TCF4: variants seen among roughly 807,000 people sequenced by gnomAD.
The protein encoded by TCF4 is SL3-3 enhancer factor 2.
TCF4 carries 3 observed loss-of-function variants against 82.1 expected under a neutral mutation model. The observed-to-expected ratio is 0.04, with a 90% CI of 0.02 to 0.09. TCF4 has a LOEUF of 0.09. Among genes scored for constraint, TCF4 ranks in the 10% least tolerant of loss-of-function variants. The pLI, the probability that TCF4 is intolerant of heterozygous loss-of-function variation, is 1.00. For synonymous variants in TCF4, 276 were observed against 309.6 expected, an observed-to-expected ratio of 0.89 and a Z score of 1.14; for missense variants, 518 against 852.7, an observed-to-expected ratio of 0.61 and a Z score of 4.89.
At chr18:55,283,571 A>C (rs2063058850) in intron 8 of TCF4, among the ~76,000 whole-genome samples, 1 of 152,212 alleles carries the variant, frequency 6.6e-6, no homozygotes, top group African/African-American at 2.4e-5. Flanking sequence ...GATATTATTA[A>C]TAGTATCTGC....
chr18:55,490,142 T>C (rs1461736573), intron 3 of TCF4, among the ~76,000 whole-genome samples: 1 of 152,174 alleles, frequency 6.6e-6, no homozygotes, highest in Non-Finnish European at 1.5e-5. Flanking sequence ...CAGCAAAGCA[T>C]AAGGAAATAC....
intron 2 of TCF4, among the ~76,000 whole-genome samples, chr18:55,609,040 C>A (rs2097704759): frequency 6.6e-6 from 1 of 152,126 alleles, no homozygotes; most frequent in African/African-American, 2.4e-5. Flanking sequence ...TCTCTGTTCT[C>A]TGCTATATGA....
chr18:55,597,389 C>T (rs2097692105), intron 2 of TCF4, among the ~76,000 whole-genome samples: 1 of 151,878 alleles, frequency 6.6e-6, no homozygotes, highest in African/African-American at 2.4e-5. Context: ...CTGCTTTCCC[C>T]CTTCCCTCTC....
At chr18:55,495,593 C>CT (rs999445128) in intron 3 of TCF4, 3 of 152,050 alleles carry the variant, frequency 2.0e-5, no homozygotes, top group Admixed American at 2.0e-4. Flanking sequence ...AATAAATATA[C>CT]TTTTAAGGAC....
chr18:55,407,839 C>A (rs1384360411), intron 5 of TCF4, among the ~76,000 whole-genome samples: 4 of 151,782 alleles, frequency 2.6e-5, no homozygotes, highest in Non-Finnish European at 5.9e-5. Context: ...ATTTTTCTTC[C>A]GATACATCCA....
At chr18:55,384,882 G>A (rs1315955050) in intron 6 of TCF4, among the ~76,000 whole-genome samples, 1 of 152,158 alleles carries the variant, frequency 6.6e-6, no homozygotes, top group African/African-American at 2.4e-5. Context: ...ATTCTGTAGA[G>A]CAGAAAGGTG....
At chr18:55,423,427 GCACACACACACA>G (rs758850356) in intron 5 of TCF4, 2,426 of 106,082 alleles carry the variant, frequency 0.023, 27 homozygotes, top group Middle Eastern at 0.036. Context: ...ACGCGCGCGC[GCACACACACACA>G]CACACACACA....
At chr18:55,409,379 C>CT (rs973568895) in intron 5 of TCF4, among the ~76,000 whole-genome samples, 10 of 150,596 alleles carry the variant, frequency 6.6e-5, no homozygotes, top group Non-Finnish European at 1.0e-4. Flanking sequence ...TCAGGGTTTT[C>CT]TTTTTTTTTA....
chr18:55,363,648 A>C (rs2086081315), intron 6 of TCF4, among the ~76,000 whole-genome samples: 1 of 152,138 alleles, frequency 6.6e-6, no homozygotes, highest in Non-Finnish European at 1.5e-5. Flanking sequence ...TCTACTAAAA[A>C]TACAAAAATT....
At chr18:55,260,863 C>A (rs1242927854) in intron 12 of TCF4, among the ~76,000 whole-genome samples, 1 of 152,130 alleles carries the variant, frequency 6.6e-6, no homozygotes, top group Non-Finnish European at 1.5e-5. Flanking sequence ...CCTGGCCCTC[C>A]ACTTACATTT....
intron 3 of TCF4, among the ~76,000 whole-genome samples, chr18:55,486,406 A>ACTTCTGGC (rs2096515266): frequency 6.6e-6 from 1 of 152,100 alleles, no homozygotes; most frequent in Non-Finnish European, 1.5e-5. Context: ...TGCCTGGCCA[A>ACTTCTGGC]CATGGTGAAA....
intron 6 of TCF4, among the ~76,000 whole-genome samples, chr18:55,391,103 G>A (rs1433677632): frequency 6.6e-6 from 1 of 152,160 alleles, no homozygotes; most frequent in Admixed American, 6.5e-5. Flanking sequence ...TTTGCCACAT[G>A]TCATTGTCCA....
intron 3 of TCF4, chr18:55,510,775 C>A: frequency 8.0e-7 from 1 of 1,250,922 alleles, no homozygotes; most frequent in Non-Finnish European, 1.0e-6. Context: ...TTAATGATGA[C>A]CGTAGATTTT....
intron 3 of TCF4, among the ~76,000 whole-genome samples, chr18:55,470,367 C>T (rs1336594986): frequency 6.6e-6 from 1 of 152,084 alleles, no homozygotes; most frequent in African/African-American, 2.4e-5. Context: ...TAGAAACACC[C>T]AAAACGTTTA....
chr18:55,436,279 A>C (rs2095327542), intron 5 of TCF4, among the ~76,000 whole-genome samples: 1 of 152,240 alleles, frequency 6.6e-6, no homozygotes, highest in Admixed American at 6.5e-5. Flanking sequence ...CATCCAGAGA[A>C]ATAATTTTAT....
intron 8 of TCF4, among the ~76,000 whole-genome samples, chr18:55,326,879 G>A (rs1028980504): frequency 6.6e-6 from 1 of 152,128 alleles, no homozygotes; most frequent in Non-Finnish European, 1.5e-5. Flanking sequence ...TGATAGCTTA[G>A]ACCCAACAAA....
At chr18:55,556,997 C>A (rs577415350) in intron 3 of TCF4, among the ~76,000 whole-genome samples, 13 of 152,218 alleles carry the variant, frequency 8.5e-5, no homozygotes, top group South Asian at 6.2e-4. Flanking sequence ...AGGAACAACC[C>A]CCTATTTATT....
intron 8 of TCF4, among the ~76,000 whole-genome samples, chr18:55,293,391 C>T (rs948935932): frequency 1.3e-5 from 2 of 152,146 alleles, no homozygotes; most frequent in African/African-American, 4.8e-5. Flanking sequence ...ACCAAAGTCA[C>T]TCATGCTCTC....
At chr18:55,401,299 C>T in intron 6 of TCF4, 3 of 1,183,798 alleles carry the variant, frequency 2.5e-6, no homozygotes, top group Non-Finnish European at 2.1e-6. Flanking sequence ...AGTAATCACA[C>T]TGTTTATGGA....
Sources: allele counts gnomAD v4.1 joint callset (sites outside exome capture counted in the v4.1 genomes callset), GRCh38; gene constraint gnomAD v4.1.1; transcripts MANE v1.5; gene names NCBI Gene and HGNC (gene_info 2026-07-23, HGNC 2026-07-21).